Variants in PAX8 observed in about 807,000 individuals in gnomAD.
The protein encoded by PAX8 is paired box 8, also known as paired box protein Pax-8.
PAX8 carries 15 observed loss-of-function variants against 52.4 expected under a neutral mutation model. The ratio of observed to expected loss-of-function variants is 0.29; its 90% CI spans 0.19 to 0.44. The LOEUF (loss-of-function observed/expected upper bound fraction) is 0.44, where lower values mean the gene tolerates loss of function less well. Ranked by LOEUF, PAX8 falls within the 20% of genes least tolerant of loss-of-function variation. The probability of loss-of-function intolerance (pLI) is 1.00; values close to 1 mark genes in which losing one functional copy is unlikely to be tolerated. For synonymous variants in PAX8, 284 were observed against 249.7 expected (o/e 1.14, Z -1.29); for missense variants, 554 against 602.5 (o/e 0.92, Z 0.84).
chr2:113,254,122 C>G (rs1295717059), intron 2 of PAX8, among the ~76,000 whole-genome samples: 5 of 152,228 alleles, frequency 3.3e-5, no homozygotes, highest in African/African-American at 1.2e-4. Context: ...GTTTTACCTC[C>G]TAAATATTTA....
intron 7 of PAX8, 156 bp from the exon 8 acceptor site, chr2:113,236,877 A>C: frequency 1.2e-6 from 1 of 861,890 alleles, no homozygotes; most frequent in Non-Finnish European, 1.7e-6. Flanking sequence ...TCCACTCGGC[A>C]CGTTTCGTTC....
intron 10 of PAX8, among the ~76,000 whole-genome samples, chr2:113,222,404 C>A (rs1689322443): frequency 6.6e-6 from 1 of 152,218 alleles, no homozygotes; most frequent in South Asian, 2.1e-4. Flanking sequence ...TATTTAACTA[C>A]CATTTACCGA....
intron 1 of PAX8, 34 bp downstream of exon 1, chr2:113,278,797 T>G: frequency 1.0e-6 from 1 of 1,001,958 alleles, no homozygotes. Flanking sequence ...TCCTCACTGC[T>G]AGCCAGCTTC....
Position 113,235,884 on chromosome 2 carries a change from G to A in PAX8, c.899-302C>T, listed in dbSNP as rs906553550. The stretch of plus-strand genomic sequence containing the variant: ...GGGAGCGGCCTAGGACCGGAGGCGC[G>A]ACCCCTCGGCCCACCTTGAGGCCCG... On this transcript the variant is annotated intron_variant, in intron 8 of 11. Transcript: ENST00000429538. 9 of 410,212 alleles carry A rather than the reference G, an allele frequency of 2.2e-5. No individual in the cohort carries two copies. In the South Asian group the frequency reaches 3.4e-4, roughly 15 times the overall value. The allele number at this position is 410,212 out of a possible 1,614,324, so 25.4% of individuals were successfully genotyped here.
At chr2:113,254,191 C>G (rs940055273) in intron 2 of PAX8, among the ~76,000 whole-genome samples, 1 of 152,194 alleles carries the variant, frequency 6.6e-6, no homozygotes, top group Non-Finnish European at 1.5e-5. Flanking sequence ...TTCATTTATC[C>G]ATTCTACATG....
intron 2 of PAX8, chr2:113,272,629 C>T (rs149541055): frequency 6.6e-6 from 1 of 152,292 alleles, no homozygotes; most frequent in African/African-American, 2.4e-5. Context: ...CAAGAGACTC[C>T]TGGATTGTCA....
At position 113,241,628 on chromosome 2, in the gene PAX8, C is replaced by T. The variant is rs201093713; in HGVS notation, c.700G>A (p.Glu234Lys). The T allele has an allele frequency of 2.0e-4, 315 of 1,613,740 alleles. No homozygotes were observed. Among genetic ancestry groups the T allele is most frequent in the Non-Finnish European group, 2.1e-4 (251 of 1,179,996 alleles). ...RTDAFSQHHL[E>K]PLECPFERQH... ...CGCTCAAATGGGCACTCGAGCGGCT[C>T]GAGGTGGTGCTGGCTGAAGGCATCC... Residue 234 changes from glutamate (E) to lysine (K), a missense_variant, in exon 7 of 12, where the codon GAG becomes AAG. Transcript: ENST00000429538.
At chr2:113,242,910 T>G in intron 4 of PAX8, 132 bp from the exon 5 acceptor site, 1 of 718,070 alleles carries the variant, frequency 1.4e-6, no homozygotes, top group Non-Finnish European at 2.6e-6. Flanking sequence ...CTGTCCACAG[T>G]CAAGTCTGTG....
chr2:113,255,032 AAGGAAGGAAGGAAGGGAAGG>A (rs1458914634), intron 2 of PAX8, among the ~76,000 whole-genome samples: 5 of 148,276 alleles, frequency 3.4e-5, no homozygotes, highest in Admixed American at 1.4e-4. Context: ...AGAAGGGAAG[AAGGAAGGAAGGAAGGGAAGG>A]AGGAAGGAAG....
intron 10 of PAX8, among the ~76,000 whole-genome samples, chr2:113,221,627 CTCAAT>C (rs1689277785): frequency 6.6e-6 from 1 of 152,120 alleles, no homozygotes; most frequent in Admixed American, 6.5e-5. Context: ...ACAGGGAGTG[CTCAAT>C]AAATCTAAGC....
intron 2 of PAX8, among the ~76,000 whole-genome samples, chr2:113,247,268 A>T (rs1691404907): frequency 6.6e-6 from 1 of 152,206 alleles, no homozygotes. Flanking sequence ...GGGTCTTCCC[A>T]TACCAATACT....
intron 3 of PAX8, among the ~76,000 whole-genome samples, chr2:113,246,300 C>G (rs549873841): frequency 4.6e-5 from 7 of 152,350 alleles, no homozygotes; most frequent in Non-Finnish European, 2.9e-5. Flanking sequence ...AAGCACTGAT[C>G]TGGGGTCTTG....
intron 2 of PAX8, chr2:113,259,616 T>A (rs931849581): frequency 2.0e-5 from 3 of 152,674 alleles, no homozygotes; most frequent in Non-Finnish European, 4.4e-5. Context: ...TGGCATAGCA[T>A]CCCTGAATCT....
chr2:113,235,212 C>T (rs1295253586), intron 9 of PAX8, 182 bp downstream of exon 9: 3 of 588,636 alleles, frequency 5.1e-6, no homozygotes, highest in East Asian at 2.9e-5. Context: ...CCGCCCCTTC[C>T]GAGCATGTCT....
At chr2:113,256,931 C>T (rs535496876) in intron 2 of PAX8, among the ~76,000 whole-genome samples, 2 of 152,136 alleles carry the variant, frequency 1.3e-5, no homozygotes, top group South Asian at 2.1e-4. Flanking sequence ...TTCAGTAGAC[C>T]GTCCACAAAT....
At position 113,227,125 on chromosome 2, in the gene PAX8, T is replaced by C. The variant is rs776767792; in HGVS notation, c.1189+30A>G. 5 of 1,556,560 alleles carry C rather than the reference T, an allele frequency of 3.2e-6. No individual in the cohort carries two copies. In the East Asian group the frequency reaches 1.2e-4, roughly 37 times the overall value. On this transcript the variant is annotated intron_variant, in intron 10 of 11. Coordinates refer to ENST00000429538, the MANE Select transcript of PAX8 (RefSeq NM_003466.4). ...TTGCTCCAATACTTCCTCTTTGCAG[T>C]GCTCCCCTTCCTGCCGGCCCTCTCC...
chr2:113,268,273 G>A (rs2104590781), intron 2 of PAX8: 1 of 152,448 alleles, frequency 6.6e-6, no homozygotes, highest in East Asian at 1.9e-4. Flanking sequence ...CCACAGCAAA[G>A]GCTCCCTGGG....
At chr2:113,277,022 C>G (rs964078242) in intron 2 of PAX8, among the ~76,000 whole-genome samples, 23 of 152,208 alleles carry the variant, frequency 1.5e-4, no homozygotes, top group Non-Finnish European at 8.8e-5. Context: ...TAGGAGCGCT[C>G]GTGGTTCCAG....
intron 9 of PAX8, among the ~76,000 whole-genome samples, chr2:113,228,570 C>A (rs1427144349): frequency 6.6e-6 from 1 of 152,206 alleles, no homozygotes; most frequent in African/African-American, 2.4e-5. Context: ...AACAAAAATG[C>A]CTCCAGACAT....
Sources: allele counts gnomAD v4.1 joint callset (sites outside exome capture counted in the v4.1 genomes callset), GRCh38; gene constraint gnomAD v4.1.1; transcripts MANE v1.5; gene names NCBI Gene and HGNC (gene_info 2026-07-23, HGNC 2026-07-21).